LRRC69: variants seen among roughly 807,000 people sequenced by gnomAD.
The protein encoded by LRRC69 is leucine rich repeat containing 69, also known as leucine-rich repeat-containing protein 69.
LRRC69 carries 42 observed loss-of-function variants against 37.8 expected under a neutral mutation model. The ratio of observed to expected loss-of-function variants is 1.11; its 90% CI spans 0.87 to 1.44. LRRC69 has a LOEUF of 1.44. LRRC69 is among the 40% of genes most tolerant of loss of function. The pLI, the probability that LRRC69 is intolerant of heterozygous loss-of-function variation, is 0.00. For synonymous variants in LRRC69, 141 were observed against 143.1 expected (o/e 0.99, Z 0.11); for missense variants, 357 against 401.9 (o/e 0.89, Z 0.96).
chr8:91,125,128 T>G (rs894429820), intron 2 of LRRC69, among the ~76,000 whole-genome samples: 1 of 151,912 alleles, frequency 6.6e-6, no homozygotes, highest in Non-Finnish European at 1.5e-5. Flanking sequence ...TTCAAGATGA[T>G]GCTATTCTTA....
chr8:91,185,142 G>C (rs1486551006), intron 5 of LRRC69, among the ~76,000 whole-genome samples: 8 of 152,116 alleles, frequency 5.3e-5, no homozygotes, highest in Non-Finnish European at 1.5e-5. Flanking sequence ...TATGGGGTGG[G>C]GACTGTGCGG....
At chr8:91,122,246 C>T (rs1452169305) in intron 1 of LRRC69, among the ~76,000 whole-genome samples, 1 of 152,046 alleles carries the variant, frequency 6.6e-6, no homozygotes. Context: ...GAGTCTCACA[C>T]TTCTGCACAT....
chr8:91,218,850 G>A, intron 7 of LRRC69, 40 bp from the exon 8 acceptor site: 2 of 1,276,312 alleles, frequency 1.6e-6, no homozygotes, highest in Non-Finnish European at 2.2e-6. Context: ...AATACTTATT[G>A]AACACTGCCT....
chr8:91,193,314 T>C (rs1206224967), intron 6 of LRRC69, among the ~76,000 whole-genome samples: 1 of 143,502 alleles, frequency 7.0e-6, no homozygotes, highest in Non-Finnish European at 1.5e-5. Context: ...TGGCTTAGGA[T>C]TGACTTGGCC....
intron 5 of LRRC69, among the ~76,000 whole-genome samples, chr8:91,163,784 GA>G (rs1396908729): frequency 6.7e-6 from 1 of 150,112 alleles, no homozygotes; most frequent in East Asian, 2.0e-4. Context: ...GCCAAGTTTA[GA>G]AAAAAATTAA....
chr8:91,112,896 A>G (rs920631489), intron 1 of LRRC69, among the ~76,000 whole-genome samples: 4 of 152,068 alleles, frequency 2.6e-5, no homozygotes, highest in East Asian at 1.9e-4. Flanking sequence ...TAAAATCAAC[A>G]TACTAAAAAT....
intron 1 of LRRC69, among the ~76,000 whole-genome samples, chr8:91,111,565 T>C (rs1813410742): frequency 6.6e-6 from 1 of 151,808 alleles, no homozygotes; most frequent in Admixed American, 6.6e-5. Context: ...AAAAATGAGA[T>C]TATGTCCTTT....
intron 5 of LRRC69, among the ~76,000 whole-genome samples, chr8:91,179,830 A>G (rs542683010): frequency 1.9e-4 from 29 of 152,326 alleles, no homozygotes; most frequent in Non-Finnish European, 3.7e-4. Flanking sequence ...ACAATGTGAC[A>G]TGGTCTTGTA....
intron 5 of LRRC69, among the ~76,000 whole-genome samples, chr8:91,173,799 G>A (rs1809174524): frequency 6.6e-6 from 1 of 151,866 alleles, no homozygotes; most frequent in South Asian, 2.1e-4. Context: ...AGATTCCTTG[G>A]GAATCTTTTA....
At chr8:91,139,572 G>T (rs973991421) in intron 5 of LRRC69, among the ~76,000 whole-genome samples, 1 of 151,040 alleles carries the variant, frequency 6.6e-6, no homozygotes, top group Non-Finnish European at 1.5e-5. Context: ...ACAGGAGAAT[G>T]GTGTGAACCC....
chr8:91,139,184 T>G (rs566188631), intron 5 of LRRC69: 4 of 152,072 alleles, frequency 2.6e-5, no homozygotes, highest in East Asian at 3.9e-4. Flanking sequence ...CTTAAAAATT[T>G]TGTAAGTTGT....
intron 7 of LRRC69, among the ~76,000 whole-genome samples, chr8:91,205,799 A>G (rs1312236094): frequency 1.3e-5 from 2 of 152,152 alleles, no homozygotes; most frequent in Admixed American, 1.3e-4. Flanking sequence ...CAGAGAAATC[A>G]TTCTCATCTC....
At chr8:91,140,638 G>GTT (rs1808515899) in intron 5 of LRRC69, among the ~76,000 whole-genome samples, 1 of 49,150 alleles carries the variant, frequency 2.0e-5, no homozygotes, top group African/African-American at 1.1e-4. Context: ...TTCAATATGT[G>GTT]ATTTTTTTTT....
chr8:91,149,717 G>A (rs539788373), intron 5 of LRRC69, among the ~76,000 whole-genome samples: 8 of 152,034 alleles, frequency 5.3e-5, no homozygotes, highest in African/African-American at 1.9e-4. Flanking sequence ...CTACCCATGA[G>A]CATGGAATGT....
At chr8:91,112,912 A>G (rs1360278825) in intron 1 of LRRC69, among the ~76,000 whole-genome samples, 1 of 152,022 alleles carries the variant, frequency 6.6e-6, no homozygotes, top group Non-Finnish European at 1.5e-5. Context: ...AAAATCAATC[A>G]TATTTCTATA....
intron 5 of LRRC69, chr8:91,158,867 G>C: frequency 1.6e-6 from 1 of 622,632 alleles, no homozygotes; most frequent in Non-Finnish European, 2.9e-6. Context: ...ATTGAAAGAA[G>C]ACTGGAAACA....
chr8:91,125,215 A>C (rs1355711874), intron 2 of LRRC69, among the ~76,000 whole-genome samples: 1 of 151,820 alleles, frequency 6.6e-6, no homozygotes, highest in African/African-American at 2.4e-5. Context: ...TTTATCAACT[A>C]ATGTAAGGTA....
At chr8:91,202,753 G>A (rs2130631697) in intron 7 of LRRC69, among the ~76,000 whole-genome samples, 1 of 152,318 alleles carries the variant, frequency 6.6e-6, no homozygotes, top group Admixed American at 6.5e-5. Context: ...TTTAATATGT[G>A]ATGAGACACA....
intron 7 of LRRC69, among the ~76,000 whole-genome samples, chr8:91,208,533 A>C (rs1287612782): frequency 6.6e-6 from 1 of 152,098 alleles, no homozygotes; most frequent in African/African-American, 2.4e-5. Context: ...CACAATAAAC[A>C]GGGCTTTCTT....
Sources: allele counts gnomAD v4.1 joint callset (sites outside exome capture counted in the v4.1 genomes callset), GRCh38; gene constraint gnomAD v4.1.1; transcripts MANE v1.5; gene names NCBI Gene and HGNC (gene_info 2026-07-23, HGNC 2026-07-21).